The following ATP13A2 variants were observed in gnomAD, a reference collection of about 807,000 sequenced individuals.
The protein encoded by ATP13A2 is polyamine-transporting ATPase 13A2.
A neutral mutation model predicts 138.3 loss-of-function variants in ATP13A2; 83 were observed. That is an observed-to-expected ratio of 0.60 (90% CI 0.50 to 0.72). The LOEUF (loss-of-function observed/expected upper bound fraction) is 0.72. ATP13A2 is among the 30% of genes least tolerant of loss of function. ATP13A2 has a pLI of 0.00. For missense variants in ATP13A2, 1,402 were observed against 1,606.4 expected (o/e 0.87, Z 2.17); for synonymous variants, 663 against 699.0 (o/e 0.95, Z 0.81).
chr1:16,989,904 G>A lies in ATP13A2; in HGVS notation c.2512C>T (p.Pro838Ser). Reference sequence around the variant, plus strand: ...GGCCCTACCTTGGGCAGCAGCTTGGGGAAGTGCTTCACAATGATACCAAAG... The same window carrying A: ...GGCCCTACCTTGGGCAGCAGCTTGGAGAAGTGCTTCACAATGATACCAAAG... ...PTFGIIVKHF[P>S]KLLPKVLVQG... The change falls in exon 22 of 29, where the codon CCC becomes TCC. Residue 838 changes from proline (P) to serine (S), a missense_variant. Coordinates refer to ENST00000326735, the MANE Select transcript of ATP13A2 (RefSeq NM_022089.4). The A allele has an allele frequency of 1.2e-6, 2 of 1,602,756 alleles. No individual in the cohort carries two copies. Among genetic ancestry groups the A allele is most frequent in the Non-Finnish European group, 1.7e-6 (2 of 1,174,630 alleles).
chr1:17,009,573 T>TG (rs769476583), intron 1 of ATP13A2, among the ~76,000 whole-genome samples: 4 of 151,826 alleles, frequency 2.6e-5, no homozygotes, highest in Non-Finnish European at 5.9e-5. Context: ...AATTTTTTTT[T>TG]AGTAGGGACA....
Position 16,990,188 on chromosome 1 carries a change from C to T in ATP13A2, c.2351G>A (p.Gly784Asp), listed in dbSNP as rs1570782020. 3 of 1,613,974 alleles carry T rather than the reference C, an allele frequency of 1.9e-6. No individual in the cohort carries two copies. Among genetic ancestry groups the T allele is most frequent in the Non-Finnish European group, 2.5e-6 (3 of 1,180,026 alleles). Residue 784 changes from glycine (G) to aspartate (D), a missense_variant, in exon 21 of 29, where the codon GGT (glycine) becomes GAT (aspartate). By Grantham distance (94) the Gly-to-Asp change is moderately conservative. Coordinates refer to ENST00000326735, the MANE Select transcript of ATP13A2 (RefSeq NM_022089.4). ...IIVHATHPERGQPASLEFLPM... is the reference protein window; with the variant it reads ...IIVHATHPERDQPASLEFLPM... ...CAGGAACTCGAGAGAGGCAGGCTGA[C>T]CCCGCTCAGGGTGGGTGGCGTGGAC...
At chr1:16,989,010 T>C (rs2076831783) in intron 23 of ATP13A2, among the ~76,000 whole-genome samples, 2 of 150,890 alleles carry the variant, frequency 1.3e-5, no homozygotes, top group Non-Finnish European at 2.9e-5. Context: ...CACTACAACC[T>C]CCTCTGCTGC....
At chr1:17,006,952 A>G (rs1570904886) in intron 1 of ATP13A2, among the ~76,000 whole-genome samples, 2 of 151,952 alleles carry the variant, frequency 1.3e-5, no homozygotes, top group East Asian at 1.9e-4. Flanking sequence ...ATACAATGGC[A>G]TGATCTCGGC....
chr1:17,008,698 C>T (rs1185998039), intron 1 of ATP13A2, among the ~76,000 whole-genome samples: 3 of 151,914 alleles, frequency 2.0e-5, no homozygotes, highest in Non-Finnish European at 4.4e-5. Context: ...CGCCTGTAAT[C>T]CCAGCCCTTT....
rs146381687 is a variant in ATP13A2 at position 16,987,247 on chromosome 1, A to C, written c.2882T>G (p.Leu961Arg). 4 of 1,613,682 alleles carry C rather than the reference A, an allele frequency of 2.5e-6. No individual in the cohort carries two copies. The African/African-American group carries it at 4.0e-5, about 16-fold the overall frequency. The change falls in exon 26 of 29, where the codon CTG (leucine) becomes CGG (arginine). Residue 961 changes from leucine to arginine, a missense_variant. Coordinates refer to ENST00000326735, the MANE Select transcript of ATP13A2 (RefSeq NM_022089.4). ...LYTINTNLGD[L>R]QFLAIDLVIT... ...GACCAGGTCGATGGCCAGGAACTGC[A>C]GGTCACCCAGGTTGGTGTTGATCTG...
chr1:17,000,675 C>T, intron 8 of ATP13A2, 141 bp from the exon 9 acceptor site: 4 of 1,104,488 alleles, frequency 3.6e-6, no homozygotes, highest in Non-Finnish European at 5.1e-6. Flanking sequence ...TGGTCAATCC[C>T]ATCCCCACCC....
intron 23 of ATP13A2, 114 bp downstream of exon 23, chr1:16,989,577 A>G (rs947121579): frequency 2.0e-6 from 2 of 1,018,622 alleles, no homozygotes; most frequent in Admixed American, 3.8e-5. Context: ...GAGGGGTGAC[A>G]GCTCTCTGGT....
Position 16,993,813 on chromosome 1 carries a change from C to G in ATP13A2, c.1565G>C (p.Gly522Ala). 1 of 1,571,982 alleles carries G rather than the reference C, an allele frequency of 6.4e-7. No homozygotes were observed. Among genetic ancestry groups the G allele is most frequent in the Non-Finnish European group, 8.6e-7 (1 of 1,159,130 alleles). ...FDKTGTLTED[G>A]LDVMGVVPLK... Reference sequence around the variant, plus strand: ...GGGCACCACCCCCATCACGTCTAAGCCGTCCTCAGTGAGGGTGCCCGTCTG... The same window carrying G: ...GGGCACCACCCCCATCACGTCTAAGGCGTCCTCAGTGAGGGTGCCCGTCTG... Residue 522 changes from glycine (G) to alanine (A), a missense_variant, in exon 16 of 29, where the codon GGC becomes GCC. By Grantham distance (60) the Gly-to-Ala change is moderately conservative. Coordinates refer to ENST00000326735, the MANE Select transcript of ATP13A2 (RefSeq NM_022089.4).
chr1:16,991,182 C>T (rs911882923), intron 20 of ATP13A2, among the ~76,000 whole-genome samples: 4 of 152,146 alleles, frequency 2.6e-5, no homozygotes, highest in African/African-American at 9.7e-5. Flanking sequence ...AACTCCTGAC[C>T]TCAAGTGATC....
In ATP13A2 at chr1:16,992,049, G is replaced by A. The variant is rs753822981; in HGVS notation, c.2086C>T (p.Pro696Ser). 6.2e-7 allele frequency: 1 copy of A among 1,613,306 alleles called. No homozygotes were observed. The highest frequency in any genetic ancestry group is 8.5e-7 in the Non-Finnish European group (1 of 1,179,804). The part of the protein sequence containing the change: ...RVVALASKPL[P>S]TVPSLEAAQQ... ...GCTGCCTCCAGGCTGGGCACAGTGG[G>A]CAGTGGCTTGCTGGCCAGGGCCACG... The change falls in exon 19 of 29, where the codon CCC becomes TCC. Residue 696 changes from proline to serine, a missense_variant. Pro to Ser is a moderately conservative substitution (Grantham distance 74). Transcript: ENST00000326735.
At position 16,989,610 on chromosome 1, in the gene ATP13A2, C is replaced by A. The variant is rs905170502; in HGVS notation, c.2609+81G>T. On this transcript the variant is annotated intron_variant, in intron 23 of 28. Coordinates refer to ENST00000326735, the MANE Select transcript of ATP13A2 (RefSeq NM_022089.4). Reference sequence around the variant, plus strand: ...GGTGCCTGAGGAGGGAGACAGGGCCCTGGGGAAGGACAGATGAACAGACGA... The same window carrying A: ...GGTGCCTGAGGAGGGAGACAGGGCCATGGGGAAGGACAGATGAACAGACGA... 2.4e-4 allele frequency: 349 copies of A among 1,441,474 alleles called. 1 individual carries two copies. The highest frequency in any genetic ancestry group is 3.3e-4 in the Non-Finnish European group (339 of 1,027,658). The allele number at this position is 1,441,474 out of a possible 1,614,324, so 89.3% of individuals were successfully genotyped here.
Position 16,995,990 on chromosome 1 carries a change from C to G in ATP13A2, c.1528G>C (p.Val510Leu), listed in dbSNP as rs375353579. 1 of 1,614,042 alleles carries G rather than the reference C, an allele frequency of 6.2e-7. No individual in the cohort carries two copies. The highest frequency in any genetic ancestry group is 2.2e-5 in the East Asian group (1 of 44,882). ...TGCGGCCCCACCTTGTCGAAACACA[C>G]CAGCTGCAGCTTGCCCCCCAGGTTG... ...RINLGGKLQL[V>L]CFDKTGTLTE... is the part of the protein sequence containing the mutation. Residue 510 changes from valine (V) to leucine (L), a missense_variant, in exon 15 of 29, where the codon GTG (valine) becomes CTG (leucine). Val to Leu is a conservative substitution (Grantham distance 32). Transcript: ENST00000326735. The surrounding 1 kb of genome is among the most constrained non-coding windows in gnomAD (Gnocchi z 4.1).
At chr1:17,010,648 G>C (rs971839634) in intron 1 of ATP13A2, among the ~76,000 whole-genome samples, 2 of 152,134 alleles carry the variant, frequency 1.3e-5, no homozygotes, top group Non-Finnish European at 2.9e-5. Flanking sequence ...TACAGATTAG[G>C]ATTCCCATTT....
chr1:17,004,949 G>T lies in ATP13A2; in HGVS notation c.347+65C>A. On this transcript the variant is annotated intron_variant, in intron 4 of 28. Transcript: ENST00000326735. The surrounding 1 kb of genome is among the most constrained non-coding windows in gnomAD (Gnocchi z 4.1). ...GTCAGCCTTTATGGGGGGGCCGAGG[G>T]TTGGGGAAGTTGGGGAGGCCAGGGT... 1 of 1,611,664 alleles carries T rather than the reference G, an allele frequency of 6.2e-7. No individual in the cohort carries two copies. Among genetic ancestry groups the T allele is most frequent in the Non-Finnish European group, 8.5e-7 (1 of 1,179,086 alleles).
intron 22 of ATP13A2, 27 bp from the exon 23 acceptor site, chr1:16,989,797 G>T: frequency 1.9e-6 from 3 of 1,613,026 alleles, no homozygotes; most frequent in Non-Finnish European, 2.5e-6. Flanking sequence ...ATGGGGGAGG[G>T]CTGAGGCACC....
rs2077535736 is a variant in ATP13A2, at chr1:17,005,769, G to A, written c.20C>T (p.Pro7Leu). 1 of 1,611,070 alleles carries A rather than the reference G, an allele frequency of 6.2e-7. No individual in the cohort carries two copies. The highest frequency in any genetic ancestry group is 8.5e-7 in the Non-Finnish European group (1 of 1,178,662). The change falls in exon 2 of 29, where the codon CCT (proline) becomes CTT (leucine). Residue 7 changes from proline to leucine, a missense_variant. Pro to Leu is a moderately conservative substitution (Grantham distance 98). Coordinates refer to ENST00000326735, the MANE Select transcript of ATP13A2 (RefSeq NM_022089.4). Reference sequence around the variant, plus strand: ...ACCGGTGGGCGTGCTGCCCACGAGAGGGCTGCTGTCTGTGGACAGAAAAGA... The same window carrying A: ...ACCGGTGGGCGTGCTGCCCACGAGAAGGCTGCTGTCTGTGGACAGAAAAGA... MSADSS[P>L]LVGSTPTGYG... is the part of the protein sequence containing the mutation.
intron 11 of ATP13A2, among the ~76,000 whole-genome samples, chr1:16,999,620 G>T (rs2077272062): frequency 6.6e-6 from 1 of 152,072 alleles, no homozygotes; most frequent in Non-Finnish European, 1.5e-5. Context: ...AAAGGAAGAG[G>T]AGGCGGAGCG....
At position 16,989,742 on chromosome 1, in the gene ATP13A2, C is replaced by T. The variant is rs745954026; in HGVS notation, c.2558G>A (p.Arg853His). 2.4e-5 allele frequency: 38 copies of T among 1,613,934 alleles called. No individual in the cohort carries two copies. The highest frequency in any genetic ancestry group is 6.7e-5 in the Admixed American group (4 of 60,000). The change falls in exon 23 of 29, where the codon CGC becomes CAC. Residue 853 changes from arginine (R) to histidine (H), a missense_variant. Physicochemically the swap from Arg to His is conservative, Grantham distance 29. Coordinates refer to ENST00000326735, the MANE Select transcript of ATP13A2 (RefSeq NM_022089.4). ...CTCTGTCTTCTGCTCAGGGGCCATG[C>T]GGGCAAAGACAGTGCCCTGGACCAG... The part of the protein sequence containing the change: ...KVLVQGTVFA[R>H]MAPEQKTELV...
Sources: allele counts gnomAD v4.1 joint callset (sites outside exome capture counted in the v4.1 genomes callset), GRCh38; gene constraint gnomAD v4.1.1; non-coding constraint Gnocchi (gnomAD v3.1); transcripts MANE v1.5; gene names NCBI Gene and HGNC (gene_info 2026-07-23, HGNC 2026-07-21).